KAT6B: variants seen among roughly 807,000 people sequenced by gnomAD.
The protein encoded by KAT6B is lysine acetyltransferase 6B.
A neutral mutation model predicts 187.5 loss-of-function variants in KAT6B; 10 were observed. The ratio of observed to expected loss-of-function variants is 0.05; its 90% confidence interval spans 0.03 to 0.09. The LOEUF (loss-of-function observed/expected upper bound fraction) is 0.09. Among genes scored for constraint, KAT6B ranks in the 10% least tolerant of loss-of-function variants. KAT6B has a pLI of 1.00. For synonymous variants in KAT6B, 861 were observed against 926.8 expected (o/e 0.93, Z 1.29); for missense variants, 1,952 against 2,558.9 (o/e 0.76, Z 5.12).
chr10:74,851,536 T>C (rs2132172637), intron 3 of KAT6B, among the ~76,000 whole-genome samples: 1 of 152,218 alleles, frequency 6.6e-6, no homozygotes, highest in East Asian at 1.9e-4. Context: ...TTTCACCATA[T>C]TGGCCAGGAT....
chr10:74,844,824 T>C (rs1222994979), intron 3 of KAT6B, among the ~76,000 whole-genome samples: 1 of 152,218 alleles, frequency 6.6e-6, no homozygotes, highest in Non-Finnish European at 1.5e-5. Flanking sequence ...AGTTCATGTC[T>C]AGTTTTGGGG....
chr10:74,997,217 C>G (rs1843497879), intron 13 of KAT6B, among the ~76,000 whole-genome samples: 3 of 151,420 alleles, frequency 2.0e-5, no homozygotes, highest in Admixed American at 2.0e-4. Context: ...CTCTCTCTCT[C>G]CCCCTGTTCT....
chr10:74,956,614 T>C (rs992963305), intron 3 of KAT6B, among the ~76,000 whole-genome samples: 1 of 151,930 alleles, frequency 6.6e-6, no homozygotes, highest in African/African-American at 2.4e-5. Context: ...AAGACAGACT[T>C]GTGTTTGAGT....
At chr10:74,877,506 G>A (rs1844510801) in intron 3 of KAT6B, among the ~76,000 whole-genome samples, 1 of 152,160 alleles carries the variant, frequency 6.6e-6, no homozygotes, top group Non-Finnish European at 1.5e-5. Flanking sequence ...TGCAGAAAGT[G>A]ACTGCTTAAT....
intron 3 of KAT6B, among the ~76,000 whole-genome samples, chr10:74,892,936 G>A (rs1411924574): frequency 3.9e-5 from 6 of 152,222 alleles, no homozygotes; most frequent in African/African-American, 1.2e-4. Context: ...TATGGAGAGA[G>A]GACAGCAAAA....
intron 3 of KAT6B, among the ~76,000 whole-genome samples, chr10:74,860,257 G>A (rs1156487462): frequency 6.6e-6 from 1 of 152,020 alleles, no homozygotes; most frequent in African/African-American, 2.4e-5. Flanking sequence ...GTGACACATA[G>A]CAAAAGCAAA....
intron 12 of KAT6B, among the ~76,000 whole-genome samples, chr10:74,985,932 G>T (rs1403672437): frequency 6.6e-6 from 1 of 152,170 alleles, no homozygotes; most frequent in Non-Finnish European, 1.5e-5. Flanking sequence ...TGTAGTCCCA[G>T]CTACTTGGGA....
chr10:74,993,096 C>T (rs886952526), intron 13 of KAT6B, among the ~76,000 whole-genome samples: 4 of 152,144 alleles, frequency 2.6e-5, no homozygotes. Flanking sequence ...AACTCCCTTG[C>T]CCACAAAACA....
chr10:74,920,220 A>G (rs889066362), intron 3 of KAT6B, among the ~76,000 whole-genome samples: 1 of 152,162 alleles, frequency 6.6e-6, no homozygotes, highest in Non-Finnish European at 1.5e-5. Flanking sequence ...TGATTCAGGT[A>G]TTGTGAGTTG....
chr10:74,936,175 G>A (rs1314428929), intron 3 of KAT6B, among the ~76,000 whole-genome samples: 1 of 152,094 alleles, frequency 6.6e-6, no homozygotes, highest in African/African-American at 2.4e-5. Context: ...GGCCAAGGCA[G>A]GCGAATCATG....
intron 3 of KAT6B, among the ~76,000 whole-genome samples, chr10:74,894,425 AC>A (rs1346878250): frequency 2.6e-5 from 4 of 152,218 alleles, no homozygotes; most frequent in Admixed American, 6.5e-5. Context: ...GTTTAAAAAA[AC>A]CACATAACAT....
intron 3 of KAT6B, among the ~76,000 whole-genome samples, chr10:74,895,941 T>C (rs1016083268): frequency 6.6e-6 from 1 of 152,060 alleles, no homozygotes; most frequent in African/African-American, 2.4e-5. Context: ...ACTGCTTTTT[T>C]GTTGTTGTTG....
intron 13 of KAT6B, among the ~76,000 whole-genome samples, chr10:75,004,053 T>C (rs1844038075): frequency 6.6e-6 from 1 of 151,850 alleles, no homozygotes; most frequent in Non-Finnish European, 1.5e-5. Context: ...TGCAGGTGGT[T>C]GGTTTTTTTT....
Position 74,957,461 on chromosome 10 carries a change from A to G in KAT6B, c.622-2509A>G, listed in dbSNP as rs116218258. Reference sequence around the variant, plus strand: ...GGGACATCAGTCTTTCTGGCCATGAACTACTAGCAACCTTTGTCCTTTGTG... The same window carrying G: ...GGGACATCAGTCTTTCTGGCCATGAGCTACTAGCAACCTTTGTCCTTTGTG... On this transcript the variant is annotated intron_variant, in intron 3 of 17. Transcript: ENST00000287239. Among the ~76,000 whole-genome samples the G allele has an allele frequency of 3.6e-3, 555 of 152,346 alleles. 4 individuals carry two copies. The highest frequency in any genetic ancestry group is 0.013 in the African/African-American group (522 of 41,572).
intron 4 of KAT6B, among the ~76,000 whole-genome samples, chr10:74,961,505 A>G (rs1012794270): frequency 2.6e-5 from 4 of 152,150 alleles, no homozygotes; most frequent in Non-Finnish European, 4.4e-5. Flanking sequence ...TGGGAAGAAA[A>G]GTTCCCTTCA....
intron 3 of KAT6B, among the ~76,000 whole-genome samples, chr10:74,867,396 A>G (rs1336093897): frequency 6.6e-6 from 1 of 152,172 alleles, no homozygotes; most frequent in Non-Finnish European, 1.5e-5. Flanking sequence ...TTGAACAATG[A>G]AAGGATCCAG....
chr10:74,914,394 T>C (rs1355881538), intron 3 of KAT6B, among the ~76,000 whole-genome samples: 1 of 152,212 alleles, frequency 6.6e-6, no homozygotes, highest in Non-Finnish European at 1.5e-5. Flanking sequence ...CTTTTTTAAC[T>C]GAAGAATTGT....
intron 3 of KAT6B, among the ~76,000 whole-genome samples, chr10:74,937,728 C>T (rs1273782705): frequency 2.0e-5 from 3 of 152,178 alleles, no homozygotes; most frequent in Non-Finnish European, 4.4e-5. Context: ...GCATTTTAAT[C>T]ATTAACTAAA....
chr10:74,829,379 C>T (rs556703475), intron 1 of KAT6B, among the ~76,000 whole-genome samples: 1 of 152,264 alleles, frequency 6.6e-6, no homozygotes, highest in Non-Finnish European at 1.5e-5. Flanking sequence ...CTTTCAGTCT[C>T]CTAGTTCTCT....
Sources: gnomAD v4.1 joint callset for allele counts (sites outside exome capture counted in the v4.1 genomes callset) on GRCh38, gnomAD v4.1.1 for gene constraint, MANE v1.5 for transcripts, NCBI Gene and HGNC (gene_info 2026-07-23, HGNC 2026-07-21) for gene names.